The following AKAP13 variants were observed in gnomAD, a reference collection of about 807,000 sequenced individuals.
AKAP13 encodes A-kinase anchor protein 13.
AKAP13 carries 80 observed loss-of-function variants against 264.5 expected under a neutral mutation model. The ratio of observed to expected loss-of-function variants is 0.30; its 90% confidence interval spans 0.25 to 0.36. AKAP13 has a LOEUF of 0.36. AKAP13 is among the 10% of genes least tolerant of loss of function. The pLI, the probability that AKAP13 is intolerant of heterozygous loss-of-function variation, is 1.00. For missense variants in AKAP13, 3,712 were observed against 3,435.2 expected (o/e 1.08, Z -2.01); for synonymous variants, 1,380 against 1,250.2 (o/e 1.10, Z -2.19).
chr15:85,607,621 C>A (rs2080412777), intron 8 of AKAP13, among the ~76,000 whole-genome samples: 1 of 152,144 alleles, frequency 6.6e-6, no homozygotes, highest in African/African-American at 2.4e-5. Flanking sequence ...ACTCATTTGT[C>A]CCTTCATTTC....
chr15:85,622,644 G>T (rs184155252), intron 8 of AKAP13, among the ~76,000 whole-genome samples: 1 of 152,204 alleles, frequency 6.6e-6, no homozygotes, highest in Non-Finnish European at 1.5e-5. Flanking sequence ...GAAGTGAATG[G>T]ATATGAGACA....
chr15:85,518,086 A>G (rs1432473363), intron 2 of AKAP13, among the ~76,000 whole-genome samples: 2 of 152,216 alleles, frequency 1.3e-5, no homozygotes, highest in African/African-American at 4.8e-5. Context: ...CTGTGTAGCC[A>G]GACTGATGTG....
chr15:85,434,109 TGC>T (rs969407438), intron 1 of AKAP13, among the ~76,000 whole-genome samples: 97 of 151,654 alleles, frequency 6.4e-4, no homozygotes, highest in African/African-American at 2.2e-3. Context: ...GGCCAGTGGG[TGC>T]GCGCACCGTG....
intron 10 of AKAP13, among the ~76,000 whole-genome samples, chr15:85,654,491 T>C (rs1482248397): frequency 6.6e-6 from 1 of 152,132 alleles, no homozygotes; most frequent in Non-Finnish European, 1.5e-5. Context: ...GTTGGTGATA[T>C]TTACTGAAAG....
chr15:85,636,978 G>T (rs549915838), intron 8 of AKAP13, among the ~76,000 whole-genome samples: 1 of 152,316 alleles, frequency 6.6e-6, no homozygotes, highest in East Asian at 1.9e-4. Flanking sequence ...TAATAAACTG[G>T]TTTTTCAAGT....
At chr15:85,415,159 G>T in intron 1 of AKAP13, 1 of 860,190 alleles carries the variant, frequency 1.2e-6, no homozygotes, top group South Asian at 1.5e-5. Flanking sequence ...AAAAAAAAAT[G>T]AGATGTGACA....
intron 20 of AKAP13, among the ~76,000 whole-genome samples, chr15:85,716,539 G>C (rs1468177931): frequency 6.6e-6 from 1 of 152,112 alleles, no homozygotes; most frequent in East Asian, 1.9e-4. Flanking sequence ...CTTCCCGTCG[G>C]GTGAATAAGC....
chr15:85,662,249 G>A, intron 12 of AKAP13: 1 of 740,512 alleles, frequency 1.4e-6, no homozygotes, highest in Admixed American at 2.4e-5. Context: ...AATTGTCAGT[G>A]TTACATTCCT....
chr15:85,638,226 A>G (rs550471834), intron 8 of AKAP13, among the ~76,000 whole-genome samples: 3 of 152,064 alleles, frequency 2.0e-5, no homozygotes, highest in Admixed American at 2.0e-4. Flanking sequence ...GTTTTTCCCC[A>G]GTATCTTTTG....
intron 1 of AKAP13, among the ~76,000 whole-genome samples, chr15:85,405,886 G>A (rs926290233): frequency 4.6e-5 from 7 of 151,576 alleles, no homozygotes; most frequent in South Asian, 2.1e-4. Flanking sequence ...TTGCCCCATC[G>A]CCAAGGCTGT....
chr15:85,382,811 C>T (rs1236766370), intron 1 of AKAP13, among the ~76,000 whole-genome samples: 3 of 152,152 alleles, frequency 2.0e-5, no homozygotes, highest in Admixed American at 6.5e-5. Context: ...AGGCACGGTA[C>T]GTGTTTGAAT....
At chr15:85,503,590 T>G (rs2076096936) in intron 2 of AKAP13, among the ~76,000 whole-genome samples, 2 of 152,184 alleles carry the variant, frequency 1.3e-5, no homozygotes, top group African/African-American at 4.8e-5. Flanking sequence ...GCATTGCTGG[T>G]GCAGAGATGA....
At chr15:85,661,869 T>A (rs1466063949) in intron 12 of AKAP13, among the ~76,000 whole-genome samples, 1 of 150,804 alleles carries the variant, frequency 6.6e-6, no homozygotes, top group East Asian at 1.9e-4. Context: ...TCTATTAATG[T>A]CTGGTTTGGT....
Position 85,491,239 on chromosome 15 carries a change from C to T in AKAP13, c.33+5486C>T, listed in dbSNP as rs189189299. Reference sequence around the variant, plus strand: ...ATCTGAACCCTACTACAGCTCCTATCCCTGTGTGTACTCAGAAAACATTAG... The same window carrying T: ...ATCTGAACCCTACTACAGCTCCTATTCCTGTGTGTACTCAGAAAACATTAG... On this transcript the variant is annotated intron_variant, in intron 2 of 36. Coordinates refer to ENST00000394518, the MANE Select transcript of AKAP13 (RefSeq NM_007200.5). Among the ~76,000 whole-genome samples the T allele has an allele frequency of 5.9e-5, 9 of 152,044 alleles. No homozygotes were observed. In the East Asian group the frequency reaches 1.7e-3, roughly 29 times the overall value.
chr15:85,383,304 C>T (rs1395247704), intron 1 of AKAP13, among the ~76,000 whole-genome samples: 1 of 152,142 alleles, frequency 6.6e-6, no homozygotes, highest in East Asian at 1.9e-4. Context: ...AACTAGGTAG[C>T]GTTCAGATCT....
chr15:85,673,424 C>T (rs1017359354), intron 14 of AKAP13, among the ~76,000 whole-genome samples: 10 of 151,842 alleles, frequency 6.6e-5, no homozygotes, highest in African/African-American at 1.9e-4. Context: ...TTTAGGGGGT[C>T]GCAGTAGCAC....
chr15:85,441,554 G>A (rs939529635), intron 1 of AKAP13, among the ~76,000 whole-genome samples: 2 of 151,976 alleles, frequency 1.3e-5, no homozygotes, highest in Non-Finnish European at 2.9e-5. Context: ...TACATTTGTT[G>A]TCATATATCT....
intron 34 of AKAP13, 95 bp from the exon 35 acceptor site, chr15:85,740,951 G>T (rs1334118388): frequency 1.3e-6 from 2 of 1,508,152 alleles, no homozygotes; most frequent in African/African-American, 2.8e-5. Context: ...GTCCGTCATA[G>T]TGCCTGGTGC....
intron 8 of AKAP13, among the ~76,000 whole-genome samples, chr15:85,622,335 T>C (rs1380906441): frequency 3.9e-5 from 6 of 152,254 alleles, no homozygotes; most frequent in Middle Eastern, 3.4e-3. Context: ...GGAAAGACAC[T>C]AGCTATGCTA....
Sources: allele counts gnomAD v4.1 joint callset (sites outside exome capture counted in the v4.1 genomes callset), GRCh38; gene constraint gnomAD v4.1.1; transcripts MANE v1.5; gene names NCBI Gene and HGNC (gene_info 2026-07-23, HGNC 2026-07-21).